Variants in ZC3H6 observed in about 807,000 individuals in gnomAD.
ZC3H6 encodes zinc finger CCCH-type containing 6.
In ZC3H6, 40 loss-of-function variants were observed where a neutral mutation model predicts 107.7. The ratio of observed to expected loss-of-function variants is 0.37; its 90% CI spans 0.29 to 0.48. The LOEUF (loss-of-function observed/expected upper bound fraction) is 0.48. Ranked by LOEUF, ZC3H6 falls within the 20% of genes least tolerant of loss-of-function variation. The pLI is 0.98. For synonymous variants in ZC3H6, 493 were observed against 487.9 expected (o/e 1.01, Z -0.14); for missense variants, 1,267 against 1,410.4 (o/e 0.90, Z 1.63).
intron 1 of ZC3H6, among the ~76,000 whole-genome samples, chr2:112,290,184 C>T (rs186753530): frequency 1.4e-3 from 214 of 152,336 alleles, no homozygotes; most frequent in Admixed American, 2.7e-3. Context: ...GCCCTGGTGA[C>T]CACCATTTCC....
intron 1 of ZC3H6, among the ~76,000 whole-genome samples, chr2:112,282,266 C>A (rs1182398260): frequency 1.1e-4 from 17 of 152,170 alleles, no homozygotes; most frequent in Admixed American, 8.5e-4. Flanking sequence ...TTCAGAGCGG[C>A]CGGAGAACTC....
intron 3 of ZC3H6, among the ~76,000 whole-genome samples, chr2:112,305,471 G>A (rs763790846): frequency 6.6e-6 from 1 of 152,116 alleles, no homozygotes; most frequent in African/African-American, 2.4e-5. Context: ...TAAACATTAT[G>A]CAGTTATTTA....
chr2:112,308,000 G>C (rs1676509239), intron 3 of ZC3H6, among the ~76,000 whole-genome samples: 1 of 152,142 alleles, frequency 6.6e-6, no homozygotes, highest in Non-Finnish European at 1.5e-5. Context: ...AATATATCAA[G>C]TATTAATATA....
Position 112,331,863 on chromosome 2 carries a change from A to G in ZC3H6, c.2945A>G (p.His982Arg). The G allele has an allele frequency of 6.2e-7, 1 of 1,613,962 alleles. No individual in the cohort carries two copies. The highest frequency in any genetic ancestry group is 1.6e-4 in the Middle Eastern group (1 of 6,062). Residue 982 changes from histidine (H) to arginine (R), a missense_variant, in exon 12 of 12, where the codon CAT becomes CGT. Physicochemically the swap from His to Arg is conservative, Grantham distance 29 (BLOSUM62 0). Transcript: ENST00000409871. Reference sequence around the variant, plus strand: ...CACAGACTGCCCAATACAGAGTCTCATCAAGTGGTTATGAAGGATTCACAT... The same window carrying G: ...CACAGACTGCCCAATACAGAGTCTCGTCAAGTGGTTATGAAGGATTCACAT... ...RLHRLPNTES[H>R]QVVMKDSHAS...
intron 9 of ZC3H6, 32 bp downstream of exon 9, chr2:112,322,934 TA>T (rs1262108162): frequency 6.5e-7 from 1 of 1,548,414 alleles, no homozygotes; most frequent in Non-Finnish European, 8.7e-7. Flanking sequence ...TGACATCAAA[TA>T]TTTTTTTCTG....
At chr2:112,292,238 C>A (rs1358926516) in intron 1 of ZC3H6, among the ~76,000 whole-genome samples, 1 of 152,202 alleles carries the variant, frequency 6.6e-6, no homozygotes, top group Admixed American at 6.5e-5. Flanking sequence ...CCTATTTTCA[C>A]CATCCCTTAT....
chr2:112,321,649 A>G, intron 7 of ZC3H6, 107 bp from the exon 8 acceptor site: 1 of 580,566 alleles, frequency 1.7e-6, no homozygotes, highest in Non-Finnish European at 3.0e-6. Flanking sequence ...AATGTTACAT[A>G]GCAGATCTCT....
At chr2:112,296,138 CAG>C (rs1676227311) in intron 1 of ZC3H6, among the ~76,000 whole-genome samples, 2 of 152,056 alleles carry the variant, frequency 1.3e-5, no homozygotes, top group Admixed American at 6.6e-5. Flanking sequence ...AGTAATCACA[CAG>C]ATTAATATAC....
intron 9 of ZC3H6, 87 bp from the exon 10 acceptor site, chr2:112,324,065 A>G: frequency 7.1e-7 from 1 of 1,401,926 alleles, no homozygotes; most frequent in Non-Finnish European, 9.6e-7. Context: ...TAAAAAAAGT[A>G]CTTAACCAAT....
At position 112,275,620 on chromosome 2, in the gene ZC3H6, T is replaced by A; in HGVS notation, c.-375T>A. Reference sequence around the variant, plus strand: ...GCGCCATTTTCTCGAGCCGCCTGTTTCGGGTGCCGCCATGTTGGTGAGGAG... The same window carrying A: ...GCGCCATTTTCTCGAGCCGCCTGTTACGGGTGCCGCCATGTTGGTGAGGAG... On this transcript the variant is annotated 5_prime_UTR_variant, in exon 1 of 12. Transcript: ENST00000409871. The A allele has an allele frequency of 2.5e-6, 1 of 401,226 alleles. No homozygotes were observed. The highest frequency in any genetic ancestry group is 4.4e-6 in the Non-Finnish European group (1 of 226,828). 24.9% of individuals were successfully genotyped at this position (401,226 alleles called of 1,614,324 possible). A position where few individuals can be genotyped will look rare whatever the true frequency, so the allele number is the denominator to read the frequency against.
In ZC3H6 at chr2:112,306,064, C is replaced by A. The variant is rs147454571; in HGVS notation, c.336+2713C>A. Among the ~76,000 whole-genome samples the A allele has an allele frequency of 7.9e-5, 12 of 152,014 alleles. No homozygotes were observed. In the East Asian group the frequency reaches 2.1e-3, roughly 27 times the overall value. On this transcript the variant is annotated intron_variant, in intron 3 of 11. Transcript: ENST00000409871. ...ACGTAGAAATTTGGTTCTTTAAAAT[C>A]TTCTAAGTCATTTTTATAGTTTCAA...
intron 1 of ZC3H6, chr2:112,286,354 A>G: frequency 4.6e-6 from 1 of 219,450 alleles, no homozygotes; most frequent in South Asian, 6.5e-5. Flanking sequence ...GTTTCCAAAA[A>G]TATGTCCTGT....
intron 1 of ZC3H6, among the ~76,000 whole-genome samples, chr2:112,296,719 A>G (rs1383123780): frequency 1.3e-5 from 2 of 152,174 alleles, no homozygotes; most frequent in Non-Finnish European, 2.9e-5. Flanking sequence ...TGCCTCTTCT[A>G]TGATGCAAGA....
Position 112,321,545 on chromosome 2 carries a change from T to TTG in ZC3H6, c.977-195_977-194dup, listed in dbSNP as rs746024672. On this transcript the variant is annotated intron_variant, in intron 7 of 11. Coordinates refer to ENST00000409871, the MANE Select transcript of ZC3H6 (RefSeq NM_198581.3). Reference sequence around the variant, plus strand: ...TTATTGATTCAGCACAGTTGTGGTTTTGTGTGTGTGTGTGTGTTAAGAACA... The same window carrying TTG: ...TTATTGATTCAGCACAGTTGTGGTTTTGTGTGTGTGTGTGTGTGTTAAGAACA... 1.9e-3 allele frequency among the ~76,000 whole-genome samples: 289 copies of TTG among 150,826 alleles called. 1 individual carries two copies. The highest frequency in any genetic ancestry group is 0.01 in the Middle Eastern group (3 of 290).
intron 1 of ZC3H6, among the ~76,000 whole-genome samples, chr2:112,279,474 A>C (rs1317630155): frequency 1.3e-5 from 2 of 152,224 alleles, no homozygotes; most frequent in South Asian, 4.1e-4. Flanking sequence ...AGAGCTTGTG[A>C]GTCTCAAAGA....
rs1676416890 is a variant in ZC3H6 at position 112,303,194 on chromosome 2, C to T, written c.214-35C>T. ...TACTAGTTAAATTTTCTTCCTTTTG[C>T]AAATGTAACATATTTGTCTTTCCCC... On this transcript the variant is annotated intron_variant, in intron 2 of 11. Coordinates refer to ENST00000409871, the MANE Select transcript of ZC3H6 (RefSeq NM_198581.3). 3.2e-6 allele frequency: 5 copies of T among 1,582,798 alleles called. No homozygotes were observed. In the South Asian group the frequency reaches 3.5e-5, roughly 11 times the overall value.
chr2:112,338,719 C>T lies in ZC3H6; in HGVS notation c.*6231C>T, dbSNP rs1256909755. 6.6e-6 allele frequency: 1 copy of T among 151,226 alleles called. No individual in the cohort carries two copies. Among genetic ancestry groups the T allele is most frequent in the African/African-American group, 2.4e-5 (1 of 41,218 alleles). 9.4% of individuals were successfully genotyped at this position (151,226 alleles called of 1,614,324 possible). A position where few individuals can be genotyped will look rare whatever the true frequency, so the allele number is the denominator to read the frequency against. On this transcript the variant is annotated 3_prime_UTR_variant, in exon 12 of 12. Coordinates refer to ENST00000409871, the MANE Select transcript of ZC3H6 (RefSeq NM_198581.3). ...TGGTGAAATTTGCATTATCAGAGGT[C>T]TGATATGTAATTTATTGTAAAGAAA...
Position 112,332,391 on chromosome 2 carries a change from G to A in ZC3H6, c.3473G>A (p.Ser1158Asn), listed in dbSNP as rs778576569. ...CAGGCAAGGCAGCCAGGACAGGGGA[G>A]CCCGACCCCAGATAATGATCCCGGT... The part of the protein sequence containing the change: ...PRQARQPGQG[S>N]PTPDNDPGRE... The change falls in exon 12 of 12, where the codon AGC becomes AAC. Residue 1158 changes from serine (S) to asparagine (N), a missense_variant. Around this residue, in one of 3 missense-constraint regions of ZC3H6, gnomAD observed 925 missense variants for 1,025.7 expected, o/e 0.90. Coordinates refer to ENST00000409871, the MANE Select transcript of ZC3H6 (RefSeq NM_198581.3). 2 of 1,613,716 alleles carry A rather than the reference G, an allele frequency of 1.2e-6. No individual in the cohort carries two copies. The highest frequency in any genetic ancestry group is 3.3e-5 in the Admixed American group (2 of 60,026).
chr2:112,298,864 A>G (rs1573953118), intron 1 of ZC3H6, among the ~76,000 whole-genome samples: 1 of 152,250 alleles, frequency 6.6e-6, no homozygotes, highest in Non-Finnish European at 1.5e-5. Context: ...TGATACTGAT[A>G]CAGTATTTTT....
Sources: gnomAD v4.1 joint callset for allele counts (sites outside exome capture counted in the v4.1 genomes callset) on GRCh38, gnomAD v4.1.1 for gene constraint, gnomAD v4.1.1 regional missense constraint, MANE v1.5 for transcripts, NCBI Gene and HGNC (gene_info 2026-07-23, HGNC 2026-07-21) for gene names.